ASTN2: variants seen among roughly 807,000 people sequenced by gnomAD.
ASTN2 encodes astrotactin-2.
A neutral mutation model predicts 139.8 loss-of-function variants in ASTN2; 54 were observed. That is an observed-to-expected ratio of 0.39 (90% CI 0.31 to 0.48). The LOEUF (loss-of-function observed/expected upper bound fraction) is 0.48, where lower values mean the gene tolerates loss of function less well. ASTN2 is among the 20% of genes least tolerant of loss of function. The probability of loss-of-function intolerance (pLI) is 0.95; values close to 1 mark genes in which losing one functional copy is unlikely to be tolerated. For missense variants in ASTN2, 1,565 were observed against 1,725.1 expected, an observed-to-expected ratio of 0.91 and a Z score of 1.64; for synonymous variants, 756 against 719.5, an observed-to-expected ratio of 1.05 and a Z score of -0.81.
At chr9:116,793,312 T>G (rs1483826281) in intron 13 of ASTN2, among the ~76,000 whole-genome samples, 1 of 152,184 alleles carries the variant, frequency 6.6e-6, no homozygotes, top group Non-Finnish European at 1.5e-5. Flanking sequence ...GAGTGGTTAA[T>G]AATTATATGA....
At chr9:116,732,530 G>A (rs761666060) in intron 14 of ASTN2, among the ~76,000 whole-genome samples, 44 of 152,168 alleles carry the variant, frequency 2.9e-4, no homozygotes, top group Non-Finnish European at 5.7e-4. Context: ...TCCCCATGAC[G>A]ATTCCCCCGT....
At chr9:116,497,115 T>C (rs1021761583) in intron 19 of ASTN2, among the ~76,000 whole-genome samples, 1 of 152,148 alleles carries the variant, frequency 6.6e-6, no homozygotes, top group Admixed American at 6.6e-5. Context: ...GGGCAGAAAG[T>C]GCAAGTGTGC....
At chr9:116,946,269 C>A (rs926960681) in intron 10 of ASTN2, among the ~76,000 whole-genome samples, 3 of 152,168 alleles carry the variant, frequency 2.0e-5, no homozygotes, top group Non-Finnish European at 2.9e-5. Context: ...TGATCTCTCC[C>A]TTCTATCAGA....
chr9:116,632,334 T>TAAA (rs35426791), intron 17 of ASTN2, among the ~76,000 whole-genome samples: 2 of 146,942 alleles, frequency 1.4e-5, no homozygotes, highest in East Asian at 4.0e-4. Context: ...TCAATAATAA[T>TAAA]AAAAAAAAAA....
At chr9:117,213,751 G>GGGT (rs1273810208) in intron 3 of ASTN2, among the ~76,000 whole-genome samples, 1 of 152,162 alleles carries the variant, frequency 6.6e-6, no homozygotes, top group Non-Finnish European at 1.5e-5. Context: ...GTGTCAGTTT[G>GGGT]GGTGTTATGG....
At chr9:116,603,718 G>A (rs916117018) in intron 19 of ASTN2, among the ~76,000 whole-genome samples, 3 of 152,196 alleles carry the variant, frequency 2.0e-5, no homozygotes, top group Middle Eastern at 3.2e-3. Flanking sequence ...TGAAAGGTAG[G>A]TACCAACCTA....
At chr9:116,573,011 ATG>A (rs201131654) in intron 19 of ASTN2, among the ~76,000 whole-genome samples, 3,300 of 117,536 alleles carry the variant, frequency 0.028, 98 homozygotes, top group African/African-American at 0.087. Flanking sequence ...ATGTGGGTAC[ATG>A]CACACACACA....
At chr9:117,232,677 C>A (rs1832928688) in intron 2 of ASTN2, among the ~76,000 whole-genome samples, 1 of 152,186 alleles carries the variant, frequency 6.6e-6, no homozygotes, top group Non-Finnish European at 1.5e-5. Flanking sequence ...TATGGGGCTT[C>A]CACAAATCCC....
rs116495205 is a variant in ASTN2, at chr9:116,662,026, A to C, written c.2807-10233T>G. 8.1e-3 allele frequency among the ~76,000 whole-genome samples: 1,224 copies of C among 151,444 alleles called. 20 individuals are homozygous for C. The highest frequency in any genetic ancestry group is 0.029 in the African/African-American group (1,183 of 41,366). On this transcript the variant is annotated intron_variant, in intron 16 of 22. Coordinates refer to ENST00000313400, the MANE Select transcript of ASTN2 (RefSeq NM_001365068.1). ...TTAAATTAAAAAAAAAAAGAAAAAA[A>C]TATATATATATAAAAGGTGACAAGG...
chr9:117,333,279 G>A (rs1828773811), intron 1 of ASTN2, among the ~76,000 whole-genome samples: 1 of 152,162 alleles, frequency 6.6e-6, no homozygotes, highest in African/African-American at 2.4e-5. Context: ...TCTGTGAGGT[G>A]TGCATGGCCG....
rs1446360773 is a variant in ASTN2 at position 116,645,498 on chromosome 9, G to T, written c.3072+6030C>A. Among the ~76,000 whole-genome samples the T allele has an allele frequency of 2.6e-5, 4 of 152,028 alleles. No individual in the cohort carries two copies. In the East Asian group the frequency reaches 7.7e-4, roughly 29 times the overall value. ...AGACCCCAACTACCCAAGGAGCTAG[G>T]GTCCAATGGTCCCCAAGGCCATCGA... On this transcript the variant is annotated intron_variant, in intron 17 of 22. Transcript: ENST00000313400.
At chr9:117,054,531 C>A (rs773921802) in intron 5 of ASTN2, among the ~76,000 whole-genome samples, 4 of 152,170 alleles carry the variant, frequency 2.6e-5, no homozygotes, top group Non-Finnish European at 2.9e-5. Context: ...CAGTGCAGAG[C>A]AGCAAATCCT....
chr9:116,510,556 G>C (rs937227722), intron 19 of ASTN2, among the ~76,000 whole-genome samples: 10 of 152,164 alleles, frequency 6.6e-5, no homozygotes, highest in Admixed American at 5.9e-4. Flanking sequence ...TTGGTAGCTT[G>C]CTGGGGATAG....
intron 7 of ASTN2, among the ~76,000 whole-genome samples, chr9:117,005,513 G>C (rs7851340): frequency 0.9 from 137,189 of 152,142 alleles, 63,323 homozygotes; most frequent in Non-Finnish European, 1. Flanking sequence ...ATCCAGGTAC[G>C]TGCCTGCAAT....
intron 16 of ASTN2, among the ~76,000 whole-genome samples, chr9:116,718,510 G>A (rs1485844410): frequency 6.6e-6 from 1 of 152,148 alleles, no homozygotes; most frequent in Admixed American, 6.5e-5. Context: ...ACTTGGCTGG[G>A]TTATCAAACT....
intron 6 of ASTN2, among the ~76,000 whole-genome samples, chr9:117,030,956 G>T (rs575692246): frequency 6.6e-6 from 1 of 152,028 alleles, no homozygotes; most frequent in Non-Finnish European, 1.5e-5. Context: ...ACTCTCTCAC[G>T]TATAGTTATT....
At chr9:116,883,289 C>T (rs564371065) in intron 10 of ASTN2, among the ~76,000 whole-genome samples, 6 of 152,144 alleles carry the variant, frequency 3.9e-5, no homozygotes, top group Admixed American at 6.5e-5. Flanking sequence ...AAAATTATAT[C>T]GATATAAACA....
rs184589868 is a variant in ASTN2, at chr9:117,031,646, A to G, written c.1423+8173T>C. On this transcript the variant is annotated intron_variant, in intron 6 of 22. Transcript: ENST00000313400. The stretch of plus-strand genomic sequence containing the variant: ...AAGCAGGGCTCAAGGAGAATGATTC[A>G]TAAGGGAGCTAACAGAGGCATTACC... Among the ~76,000 whole-genome samples the G allele has an allele frequency of 2.9e-3, 442 of 152,310 alleles. 2 individuals are homozygous for G. The highest frequency in any genetic ancestry group is 0.01 in the African/African-American group (429 of 41,588).
chr9:117,397,231 T>C (rs1830701279), intron 1 of ASTN2, among the ~76,000 whole-genome samples: 2 of 152,168 alleles, frequency 1.3e-5, no homozygotes, highest in Non-Finnish European at 2.9e-5. Flanking sequence ...GCATTTATCC[T>C]TTGAGTTACA....
Sources: allele counts gnomAD v4.1 joint callset (sites outside exome capture counted in the v4.1 genomes callset), GRCh38; gene constraint gnomAD v4.1.1; transcripts MANE v1.5; gene names NCBI Gene and HGNC (gene_info 2026-07-23, HGNC 2026-07-21).